Variants in LDAH observed in about 807,000 individuals in gnomAD.
LDAH encodes lipid droplet associated hydrolase, also known as lipid droplet-associated hydrolase.
A neutral mutation model predicts 29.6 loss-of-function variants in LDAH; 26 were observed. That is an observed-to-expected ratio of 0.88 (90% confidence interval 0.64 to 1.22). LDAH has a LOEUF of 1.22. Among genes scored for constraint, LDAH ranks in the 50% most tolerant of loss-of-function variants. The pLI is 0.00. For missense variants in LDAH, 344 were observed against 387.3 expected, an observed-to-expected ratio of 0.89 and a Z score of 0.94; for synonymous variants, 117 against 133.0, an observed-to-expected ratio of 0.88 and a Z score of 0.83.
In LDAH at chr2:20,698,921, T is replaced by C. The variant is rs1310741008; in HGVS notation, c.786+2649A>G. ...TTCCTCAAGCATATAAAAAGCTCTC[T>C]TCTTGTGTCAAATGGAAATCCAGTG... On this transcript the variant is annotated intron_variant, in intron 6 of 6. Coordinates refer to ENST00000237822, the MANE Select transcript of LDAH (RefSeq NM_021925.4). The surrounding 1 kb of genome is among the most constrained non-coding windows in gnomAD (Gnocchi z 4.4). Among the ~76,000 whole-genome samples, 1 of 152,218 alleles carries C rather than the reference T, an allele frequency of 6.6e-6. No homozygotes were observed. The highest frequency in any genetic ancestry group is 2.4e-5 in the African/African-American group (1 of 41,458).
intron 3 of LDAH, chr2:20,789,091 G>A (rs2125067070): frequency 6.5e-7 from 1 of 1,540,308 alleles, no homozygotes; most frequent in Non-Finnish European, 8.8e-7. Flanking sequence ...TCTGTCTGTT[G>A]TACCTCTGCA....
chr2:20,788,473 C>T (rs916561980), intron 3 of LDAH, among the ~76,000 whole-genome samples: 1 of 152,152 alleles, frequency 6.6e-6, no homozygotes, highest in African/African-American at 2.4e-5. Context: ...ATAATCAAAA[C>T]TAGCCTTCAA....
At chr2:20,734,687 G>A (rs964069368) in intron 5 of LDAH, among the ~76,000 whole-genome samples, 3 of 152,274 alleles carry the variant, frequency 2.0e-5, no homozygotes, top group Middle Eastern at 3.4e-3. Context: ...GAAATCTCAA[G>A]AGAAGAAGAA....
At chr2:20,715,261 C>G (rs1365608800) in intron 5 of LDAH, among the ~76,000 whole-genome samples, 1 of 152,180 alleles carries the variant, frequency 6.6e-6, no homozygotes, top group African/African-American at 2.4e-5. Flanking sequence ...ATCGCATAAA[C>G]AGAACCAACG....
chr2:20,804,913 C>T (rs774346997), intron 1 of LDAH, among the ~76,000 whole-genome samples: 37 of 152,068 alleles, frequency 2.4e-4, no homozygotes, highest in Admixed American at 3.3e-4. Flanking sequence ...CTAATAAATG[C>T]CACTGTAGCC....
intron 1 of LDAH, among the ~76,000 whole-genome samples, chr2:20,801,930 A>ATGTGTGTGTGTGTGTGTGTG (rs35921690): frequency 7.1e-6 from 1 of 140,138 alleles, no homozygotes; most frequent in South Asian, 2.3e-4. Flanking sequence ...CCCAAATTCT[A>ATGTGTGTGTGTGTGTGTGTG]TGTGTGTGTG....
intron 4 of LDAH, among the ~76,000 whole-genome samples, chr2:20,752,968 AAACAACGACAACAACAAC>A (rs960743611): frequency 1.3e-5 from 1 of 77,740 alleles, no homozygotes; most frequent in Non-Finnish European, 2.5e-5. Flanking sequence ...TTTGGAGAGA[AAACAACGACAACAACAAC>A]AACAACAACA....
At chr2:20,797,113 A>G (rs981349428) in intron 2 of LDAH, among the ~76,000 whole-genome samples, 2 of 152,346 alleles carry the variant, frequency 1.3e-5, no homozygotes, top group African/African-American at 4.8e-5. Context: ...CTGGAAAAGT[A>G]CATGTATTTT....
At chr2:20,715,067 G>C (rs1234367287) in intron 5 of LDAH, among the ~76,000 whole-genome samples, 1 of 151,018 alleles carries the variant, frequency 6.6e-6, no homozygotes, top group Non-Finnish European at 1.5e-5. Context: ...AAGCCTGGCA[G>C]AGACACAACA....
At chr2:20,690,680 T>C (rs1416916104) in intron 6 of LDAH, among the ~76,000 whole-genome samples, 1 of 151,806 alleles carries the variant, frequency 6.6e-6, no homozygotes, top group Non-Finnish European at 1.5e-5. Context: ...ATGGAGTGTG[T>C]GGTGGCACTG....
intron 1 of LDAH, among the ~76,000 whole-genome samples, chr2:20,817,004 A>G (rs1040582946): frequency 6.6e-6 from 1 of 152,078 alleles, no homozygotes; most frequent in African/African-American, 2.4e-5. Flanking sequence ...AATTTAAACT[A>G]TATAGAACTG....
At chr2:20,821,282 A>T (rs955752796) in intron 1 of LDAH, among the ~76,000 whole-genome samples, 21 of 152,282 alleles carry the variant, frequency 1.4e-4, no homozygotes, top group Admixed American at 3.9e-4. Context: ...ACCCAAAGGA[A>T]TATAAATCAT....
chr2:20,736,166 G>C (rs937128646), intron 5 of LDAH, among the ~76,000 whole-genome samples: 5 of 152,210 alleles, frequency 3.3e-5, no homozygotes, highest in Admixed American at 6.5e-5. Flanking sequence ...CAGAGGCCAG[G>C]TGCGGTGGCT....
intron 5 of LDAH, among the ~76,000 whole-genome samples, chr2:20,738,974 A>G (rs1037642861): frequency 6.6e-6 from 1 of 152,248 alleles, no homozygotes; most frequent in Non-Finnish European, 1.5e-5. Context: ...TGCTGTTATC[A>G]TTAACAAGGG....
chr2:20,713,691 T>C (rs1171486801), intron 5 of LDAH, among the ~76,000 whole-genome samples: 1 of 152,062 alleles, frequency 6.6e-6, no homozygotes, highest in East Asian at 1.9e-4. Flanking sequence ...TGGAGGAAGA[T>C]CTACCAAGCA....
At chr2:20,740,275 T>C in intron 4 of LDAH, 70 bp from the exon 5 acceptor site, 5 of 1,003,174 alleles carry the variant, frequency 5.0e-6, no homozygotes, top group Non-Finnish European at 7.7e-6. Context: ...TTGTCTCTTC[T>C]ATATAGTAAT....
chr2:20,728,226 T>C (rs1666148822), intron 5 of LDAH, among the ~76,000 whole-genome samples: 1 of 152,166 alleles, frequency 6.6e-6, no homozygotes, highest in African/African-American at 2.4e-5. Flanking sequence ...CATTACATAA[T>C]CTGCAAACAC....
At chr2:20,744,446 A>G (rs1300250815) in intron 4 of LDAH, among the ~76,000 whole-genome samples, 1 of 152,054 alleles carries the variant, frequency 6.6e-6, no homozygotes, top group African/African-American at 2.4e-5. Context: ...TTTCCTCAGT[A>G]TTCTTCTCCC....
chr2:20,714,694 G>A (rs2149383506), intron 5 of LDAH, among the ~76,000 whole-genome samples: 1 of 152,226 alleles, frequency 6.6e-6, no homozygotes, highest in East Asian at 1.9e-4. Context: ...AAATGATAAA[G>A]GGGATATCAC....
Sources: gnomAD v4.1 joint callset for allele counts (sites outside exome capture counted in the v4.1 genomes callset) on GRCh38, gnomAD v4.1.1 for gene constraint, Gnocchi (gnomAD v3.1) non-coding constraint, MANE v1.5 for transcripts, NCBI Gene and HGNC (gene_info 2026-07-23, HGNC 2026-07-21) for gene names.